Variants in CDK14 observed in about 807,000 individuals in gnomAD.
The protein encoded by CDK14 is cyclin dependent kinase 14.
A neutral mutation model predicts 60.7 loss-of-function variants in CDK14; 34 were observed. That is an observed-to-expected ratio of 0.56 (90% CI 0.43 to 0.75). The LOEUF is 0.75. Among genes scored for constraint, CDK14 ranks in the 30% least tolerant of loss-of-function variants. CDK14 has a pLI of 0.00. For missense variants in CDK14, 482 were observed against 564.1 expected (o/e 0.85, Z 1.47); for synonymous variants, 197 against 203.7 (o/e 0.97, Z 0.28).
At chr7:90,705,114 A>T (rs188417614) in intron 2 of CDK14, among the ~76,000 whole-genome samples, 65 of 151,926 alleles carry the variant, frequency 4.3e-4, no homozygotes, top group African/African-American at 1.5e-3. Flanking sequence ...ATTTTTGGAA[A>T]ATTTCTGTTT....
At chr7:90,615,198 A>G (rs1264326083) in intron 2 of CDK14, among the ~76,000 whole-genome samples, 1 of 152,196 alleles carries the variant, frequency 6.6e-6, no homozygotes, top group African/African-American at 2.4e-5. Flanking sequence ...TTCAATATGC[A>G]CTTTTATACC....
intron 10 of CDK14, among the ~76,000 whole-genome samples, chr7:90,987,666 G>A (rs1182443543): frequency 6.6e-6 from 1 of 151,988 alleles, no homozygotes; most frequent in Non-Finnish European, 1.5e-5. Flanking sequence ...TCTCAAGACT[G>A]GTGTGATCCT....
intron 14 of CDK14, among the ~76,000 whole-genome samples, chr7:91,151,916 G>A (rs1393146871): frequency 6.6e-6 from 1 of 152,170 alleles, no homozygotes; most frequent in Admixed American, 6.6e-5. Context: ...TGGAAATTAA[G>A]GCCAACATGA....
chr7:90,784,458 T>G (rs1805483097), intron 4 of CDK14, among the ~76,000 whole-genome samples: 1 of 152,228 alleles, frequency 6.6e-6, no homozygotes, highest in Non-Finnish European at 1.5e-5. Flanking sequence ...GTTGAGGTGG[T>G]GGATGCCTCA....
At chr7:90,853,011 AC>A (rs1790700578) in intron 5 of CDK14, among the ~76,000 whole-genome samples, 1 of 152,142 alleles carries the variant, frequency 6.6e-6, no homozygotes, top group Admixed American at 6.6e-5. Flanking sequence ...TTCAGCTCCA[AC>A]CAAAATCTGT....
intron 10 of CDK14, among the ~76,000 whole-genome samples, chr7:91,035,729 C>T (rs1025723693): frequency 4.0e-5 from 6 of 151,816 alleles, no homozygotes; most frequent in Non-Finnish European, 8.8e-5. Flanking sequence ...TTTATTGCTG[C>T]ATAACATTAA....
At chr7:90,895,784 C>G (rs1053110614) in intron 6 of CDK14, among the ~76,000 whole-genome samples, 1 of 130,808 alleles carries the variant, frequency 7.6e-6, no homozygotes, top group African/African-American at 3.0e-5. Context: ...CCATATTGCT[C>G]AGGCTGGTCT....
intron 2 of CDK14, among the ~76,000 whole-genome samples, chr7:90,648,219 T>C (rs1201458233): frequency 6.6e-6 from 1 of 152,090 alleles, no homozygotes; most frequent in African/African-American, 2.4e-5. Context: ...GACTGGGCCA[T>C]GTGGTTCTGC....
At chr7:91,177,047 G>A (rs1440073941) in intron 14 of CDK14, among the ~76,000 whole-genome samples, 2 of 149,382 alleles carry the variant, frequency 1.3e-5, no homozygotes, top group Non-Finnish European at 3.0e-5. Flanking sequence ...GAACATTGAT[G>A]CAAAAATCCT....
rs185591853 is a variant in CDK14, at chr7:90,846,426, A to G, written c.545-16749A>G. 5.3e-3 allele frequency among the ~76,000 whole-genome samples: 803 copies of G among 152,262 alleles called. 1 individual carries two copies. Among genetic ancestry groups the G allele is most frequent in the Non-Finnish European group, 8.5e-3 (580 of 68,014 alleles). On this transcript the variant is annotated intron_variant, in intron 5 of 14. Coordinates refer to ENST00000380050, the MANE Select transcript of CDK14 (RefSeq NM_001287135.2). ...AGTTTTGCTTTAAGATCCTTCTTTG[A>G]ACTGCCAGTCTGTGCTGTTGCTGAA... is the stretch of plus-strand genomic sequence containing the variant.
At chr7:90,853,348 A>G (rs1307724407) in intron 5 of CDK14, among the ~76,000 whole-genome samples, 2 of 152,146 alleles carry the variant, frequency 1.3e-5, no homozygotes, top group Admixed American at 6.6e-5. Flanking sequence ...GCTCAAGACT[A>G]TCACTTTCAG....
rs142564422 is a variant in CDK14 at position 90,779,237 on chromosome 7, G to A, written c.465-11336G>A. On this transcript the variant is annotated intron_variant, in intron 4 of 14. Coordinates refer to ENST00000380050, the MANE Select transcript of CDK14 (RefSeq NM_001287135.2). ...CATTGTACTCCAGCCTGGGCAACAG[G>A]GTGAGACTCCGTCTCAAAAAAAGAA... 5.7e-3 allele frequency among the ~76,000 whole-genome samples: 873 copies of A among 152,098 alleles called. 15 individuals carry two copies. The highest frequency in any genetic ancestry group is 0.02 in the African/African-American group (827 of 41,494).
At chr7:90,811,847 C>T (rs1661169730) in intron 5 of CDK14, among the ~76,000 whole-genome samples, 2 of 152,174 alleles carry the variant, frequency 1.3e-5, no homozygotes, top group Non-Finnish European at 2.9e-5. Flanking sequence ...TTTTGTACAA[C>T]CAAAAGACAC....
In CDK14 at chr7:90,661,727, T is replaced by G. The variant is rs562569759; in HGVS notation, c.123+57478T>G. ...ATTCTTCACTTTTGAGCCTGGCTTG[T>G]GTTATTACAGCCACTGTTGCTAGGA... is the stretch of plus-strand genomic sequence containing the variant. On this transcript the variant is annotated intron_variant, in intron 2 of 14. Transcript: ENST00000380050. Among the ~76,000 whole-genome samples, 12 of 152,314 alleles carry G rather than the reference T, an allele frequency of 7.9e-5. No homozygotes were observed. The South Asian group carries it at 2.3e-3, about 29-fold the overall frequency.
intron 2 of CDK14, among the ~76,000 whole-genome samples, chr7:90,720,957 T>C (rs1802428170): frequency 6.6e-6 from 1 of 152,216 alleles, no homozygotes; most frequent in Non-Finnish European, 1.5e-5. Flanking sequence ...TAAGCTGAGT[T>C]TTCTTTTTAA....
intron 8 of CDK14, among the ~76,000 whole-genome samples, chr7:90,953,497 C>G (rs1306110505): frequency 3.3e-5 from 5 of 152,126 alleles, no homozygotes; most frequent in Non-Finnish European, 5.9e-5. Context: ...ACCAGTCTAG[C>G]AAACTCATAT....
At chr7:91,181,752 CTT>C (rs1215801108) in intron 14 of CDK14, among the ~76,000 whole-genome samples, 1 of 152,120 alleles carries the variant, frequency 6.6e-6, no homozygotes, top group Non-Finnish European at 1.5e-5. Flanking sequence ...ATGGGAGACT[CTT>C]CAAGTTTTCT....
chr7:90,712,471 AT>A (rs1802101759), intron 2 of CDK14, among the ~76,000 whole-genome samples: 1 of 152,072 alleles, frequency 6.6e-6, no homozygotes, highest in Non-Finnish European at 1.5e-5. Context: ...ATGTATCAGA[AT>A]TTCATTCCTT....
At chr7:91,171,224 C>A (rs1241601913) in intron 14 of CDK14, among the ~76,000 whole-genome samples, 1 of 151,910 alleles carries the variant, frequency 6.6e-6, no homozygotes, top group Non-Finnish European at 1.5e-5. Flanking sequence ...GTGGCGGGCG[C>A]CTGTAATCCC....
Sources: allele counts gnomAD v4.1 joint callset (sites outside exome capture counted in the v4.1 genomes callset), GRCh38; gene constraint gnomAD v4.1.1; transcripts MANE v1.5; gene names NCBI Gene and HGNC (gene_info 2026-07-23, HGNC 2026-07-21).